DLGAP2: variants seen among roughly 807,000 people sequenced by gnomAD.
The protein encoded by DLGAP2 is DLG associated protein 2, also known as disks large-associated protein 2.
A neutral mutation model predicts 100.3 loss-of-function variants in DLGAP2; 26 were observed. The observed-to-expected ratio is 0.26, with a 90% CI of 0.19 to 0.36. The LOEUF (loss-of-function observed/expected upper bound fraction) is 0.36. Ranked by LOEUF, DLGAP2 falls within the 10% of genes least tolerant of loss-of-function variation. DLGAP2 has a pLI of 1.00. For missense variants in DLGAP2, 1,858 were observed against 1,453.2 expected (o/e 1.28, Z -4.53); for synonymous variants, 886 against 630.1 (o/e 1.41, Z -6.08).
chr8:1,297,550 AG>A (rs1462811975), intron 3 of DLGAP2, among the ~76,000 whole-genome samples: 1 of 129,166 alleles, frequency 7.7e-6, no homozygotes, highest in Non-Finnish European at 1.7e-5. Context: ...GAAACGTGGC[AG>A]GCATGAACAG....
In DLGAP2 at chr8:888,626, G is replaced by A. The variant is rs150905688; in HGVS notation, c.19-19286G>A. ...TGCTTTTTTTTTTTTTCAATAATCCGGTCCCTCTTCTGTTGGGGTGCTGCA... is the reference window on the plus strand; with the variant it reads ...TGCTTTTTTTTTTTTTCAATAATCCAGTCCCTCTTCTGTTGGGGTGCTGCA... On this transcript the variant is annotated intron_variant, in intron 1 of 14. Coordinates refer to ENST00000637795, the MANE Select transcript of DLGAP2 (RefSeq NM_001346810.2). Among the ~76,000 whole-genome samples the A allele has an allele frequency of 3.3e-4, 50 of 149,308 alleles. 1 individual carries two copies. The highest frequency in any genetic ancestry group is 1.1e-3 in the African/African-American group (46 of 40,402).
In DLGAP2 at chr8:783,394, C is replaced by A. The variant is rs928701184; in HGVS notation, c.18+45569C>A. Among the ~76,000 whole-genome samples, 4 of 152,282 alleles carry A rather than the reference C, an allele frequency of 2.6e-5. No homozygotes were observed. The East Asian group carries it at 7.7e-4, about 29-fold the overall frequency. On this transcript the variant is annotated intron_variant, in intron 1 of 14. Coordinates refer to ENST00000637795, the MANE Select transcript of DLGAP2 (RefSeq NM_001346810.2). ...TTTGTTTTTACAGGTTTAAAGGAAT[C>A]TCATGATATTACATACACGGGAAAG... is the stretch of plus-strand genomic sequence containing the variant.
At chr8:960,761 A>G (rs925640946) in intron 2 of DLGAP2, among the ~76,000 whole-genome samples, 1 of 152,202 alleles carries the variant, frequency 6.6e-6, no homozygotes, top group Admixed American at 6.5e-5. Flanking sequence ...AGTTGAAAGT[A>G]TTGTAAGTTG....
At chr8:1,214,398 G>A (rs1011219092) in intron 2 of DLGAP2, among the ~76,000 whole-genome samples, 16 of 152,198 alleles carry the variant, frequency 1.1e-4, no homozygotes, top group African/African-American at 3.4e-4. Context: ...TGACAGAAGG[G>A]CATCTCGTAG....
At chr8:1,595,863 AT>A (rs886362647) in intron 6 of DLGAP2, among the ~76,000 whole-genome samples, 64 of 148,064 alleles carry the variant, frequency 4.3e-4, no homozygotes, top group Middle Eastern at 3.4e-3. Context: ...TTTAATAGTA[AT>A]TTTTTTTTAA....
At chr8:1,432,815 G>C (rs73532668) in intron 3 of DLGAP2, among the ~76,000 whole-genome samples, 1 of 152,186 alleles carries the variant, frequency 6.6e-6, no homozygotes, top group East Asian at 1.9e-4. Context: ...CAGGTTCAGC[G>C]GGAGTCGCCT....
intron 1 of DLGAP2, among the ~76,000 whole-genome samples, chr8:771,581 G>C (rs1269098309): frequency 1.3e-5 from 2 of 152,198 alleles, no homozygotes; most frequent in Non-Finnish European, 2.9e-5. Context: ...AAATTAAAAG[G>C]CTGTCTGTAC....
At chr8:1,164,280 G>C (rs1175807566) in intron 2 of DLGAP2, among the ~76,000 whole-genome samples, 2 of 125,430 alleles carry the variant, frequency 1.6e-5, no homozygotes, top group Admixed American at 7.9e-5. Context: ...TTGGTTTGTG[G>C]GGACTGATTG....
intron 1 of DLGAP2, among the ~76,000 whole-genome samples, chr8:845,518 T>C (rs1797056780): frequency 6.6e-6 from 1 of 152,226 alleles, no homozygotes; most frequent in Admixed American, 6.5e-5. Flanking sequence ...GTTATTTGTC[T>C]ATTATTGGAT....
chr8:1,203,996 A>G (rs957299424), intron 2 of DLGAP2, among the ~76,000 whole-genome samples: 2 of 152,240 alleles, frequency 1.3e-5, no homozygotes, highest in Non-Finnish European at 2.9e-5. Context: ...TGAACTAAGC[A>G]TGTAGGGTAA....
intron 3 of DLGAP2, among the ~76,000 whole-genome samples, chr8:1,282,411 C>A (rs1392360958): frequency 7.2e-6 from 1 of 139,772 alleles, no homozygotes; most frequent in Non-Finnish European, 1.6e-5. Context: ...TGACCTGAAC[C>A]CAGCGCCCTG....
chr8:1,421,677 T>G (rs73172514), intron 3 of DLGAP2, among the ~76,000 whole-genome samples: 30,536 of 152,166 alleles, frequency 0.2, 3,677 homozygotes, highest in Middle Eastern at 0.28. Context: ...TATAACAAAA[T>G]TCATAAGGCT....
chr8:946,220 A>G (rs561748337), intron 2 of DLGAP2, among the ~76,000 whole-genome samples: 66 of 149,230 alleles, frequency 4.4e-4, no homozygotes, highest in African/African-American at 1.6e-3. Context: ...GTGTATTGGC[A>G]TTTGTCTGAG....
chr8:878,974 A>T (rs940181047), intron 1 of DLGAP2, among the ~76,000 whole-genome samples: 2 of 152,258 alleles, frequency 1.3e-5, no homozygotes, highest in African/African-American at 4.8e-5. Context: ...GATGGCTTTT[A>T]GAGTCCTGGG....
intron 1 of DLGAP2, among the ~76,000 whole-genome samples, chr8:854,866 A>G (rs1318317940): frequency 6.6e-6 from 1 of 152,220 alleles, no homozygotes; most frequent in African/African-American, 2.4e-5. Context: ...CACATGGGAA[A>G]TGCTCCCACA....
chr8:1,505,829 G>T (rs575705225), intron 4 of DLGAP2, among the ~76,000 whole-genome samples: 1 of 151,988 alleles, frequency 6.6e-6, no homozygotes, highest in African/African-American at 2.4e-5. Flanking sequence ...TCATTTTCCC[G>T]AATGTTATAT....
intron 12 of DLGAP2, among the ~76,000 whole-genome samples, chr8:1,688,663 TG>T (rs1291313238): frequency 6.6e-6 from 1 of 152,200 alleles, no homozygotes; most frequent in African/African-American, 2.4e-5. Context: ...AATAAAACTT[TG>T]GGGAGCAAAA....
At chr8:1,320,868 C>A (rs771540299) in intron 3 of DLGAP2, among the ~76,000 whole-genome samples, 1 of 151,960 alleles carries the variant, frequency 6.6e-6, no homozygotes, top group Non-Finnish European at 1.5e-5. Flanking sequence ...TGTTTGCATT[C>A]GTGTGTGTGT....
intron 1 of DLGAP2, among the ~76,000 whole-genome samples, chr8:802,777 C>G (rs1274237027): frequency 1.3e-5 from 2 of 152,176 alleles, no homozygotes; most frequent in African/African-American, 2.4e-5. Flanking sequence ...TCTAAGATCT[C>G]TTCAGGTCCC....
Sources: gnomAD v4.1 joint callset for allele counts (sites outside exome capture counted in the v4.1 genomes callset) on GRCh38, gnomAD v4.1.1 for gene constraint, MANE v1.5 for transcripts, NCBI Gene and HGNC (gene_info 2026-07-23, HGNC 2026-07-21) for gene names.